The following MID2 variants were observed in gnomAD, a reference collection of about 807,000 sequenced individuals.
MID2 encodes the protein midline 2, also known as probable E3 ubiquitin-protein ligase MID2.
MID2 carries 13 observed loss-of-function variants against 46.1 expected under a neutral mutation model. The ratio of observed to expected loss-of-function variants is 0.28; its 90% CI spans 0.18 to 0.45. The LOEUF is 0.45. Among genes scored for constraint, MID2 ranks in the 20% least tolerant of loss-of-function variants. MID2 has a pLI of 1.00. For synonymous variants in MID2, 199 were observed against 212.3 expected (o/e 0.94, Z 0.55); for missense variants, 431 against 575.4 (o/e 0.75, Z 2.57).
At chrX:107,846,927 T>C (rs1456989435) in intron 2 of MID2, among the ~76,000 whole-genome samples, 1 of 112,198 alleles carries the variant, frequency 8.9e-6, no homozygotes, top group Non-Finnish European at 1.9e-5. Context: ...ATCCTGTCTG[T>C]TATTGTTGGG....
chrX:107,902,221 A>G (rs1450246256), intron 3 of MID2, among the ~76,000 whole-genome samples: 2 of 112,043 alleles, frequency 1.8e-5, no homozygotes, highest in Non-Finnish European at 3.8e-5. Context: ...ATGTAAACTA[A>G]TTAGAGCAAT....
At chrX:107,852,710 A>C (rs1432055204) in intron 2 of MID2, among the ~76,000 whole-genome samples, 1 of 111,864 alleles carries the variant, frequency 8.9e-6, no homozygotes, top group Non-Finnish European at 1.9e-5. Flanking sequence ...ACGTGTATCT[A>C]TGTGAATATA....
intron 5 of MID2, 146 bp from the exon 6 acceptor site, chrX:107,915,856 A>G (rs1177908837): frequency 1.9e-6 from 1 of 523,708 alleles, no homozygotes; most frequent in Admixed American, 4.3e-5. Flanking sequence ...AATAGTTTCC[A>G]TTGGAAAGGC....
chrX:107,875,137 G>A (rs1439329179), intron 3 of MID2, among the ~76,000 whole-genome samples: 1 of 111,899 alleles, frequency 8.9e-6, no homozygotes, highest in Non-Finnish European at 1.9e-5. Flanking sequence ...TGGGTAGTTT[G>A]GTTAGAGGGA....
In MID2 at chrX:107,926,147, A is replaced by G; in HGVS notation, c.1651A>G (p.Asn551Asp). Residue 551 changes from asparagine to aspartate, a missense_variant, in exon 9 of 10, where the codon AAT (asparagine) becomes GAT (aspartate). By Grantham distance (23) the Asn-to-Asp change is conservative. Coordinates refer to ENST00000262843, the MANE Select transcript of MID2 (RefSeq NM_012216.4). ...GACTCACAAGAAGTTGAAGATCTCC[A>G]ATGATGGATTGCAGATGGAGAAGGA... Reference protein sequence around the residue: ...KMTHKKLKISNDGLQMEKDES... With the variant: ...KMTHKKLKISDDGLQMEKDES... The G allele has an allele frequency of 8.3e-7, 1 of 1,209,181 alleles. No homozygotes were observed. Among genetic ancestry groups the G allele is most frequent in the African/African-American group, 1.7e-5 (1 of 57,418 alleles).
At chrX:107,870,186 G>A (rs1000180695) in intron 3 of MID2, among the ~76,000 whole-genome samples, 1 of 111,282 alleles carries the variant, frequency 9.0e-6, no homozygotes, top group Non-Finnish European at 1.9e-5. Flanking sequence ...AATAAAAAGT[G>A]TTTGGTTATG....
intron 2 of MID2, among the ~76,000 whole-genome samples, chrX:107,851,739 C>T (rs982901954): frequency 2.0e-4 from 22 of 111,351 alleles, no homozygotes; most frequent in Middle Eastern, 4.2e-3. Context: ...ACCTTTATAA[C>T]AGGACTTTGG....
intron 1 of MID2, among the ~76,000 whole-genome samples, chrX:107,833,423 A>AT (rs1236678380): frequency 7.9e-5 from 8 of 101,891 alleles, no homozygotes; most frequent in East Asian, 3.0e-4. Flanking sequence ...ATATATATAT[A>AT]TATATATTTT....
chrX:107,873,277 A>G (rs1932117359), intron 3 of MID2, among the ~76,000 whole-genome samples: 1 of 112,288 alleles, frequency 8.9e-6, no homozygotes, highest in Non-Finnish European at 1.9e-5. Flanking sequence ...TGCCTTTGGC[A>G]TATGGGTGAA....
At chrX:107,832,338 TGATCTTCCA>T (rs1270978135) in intron 1 of MID2, among the ~76,000 whole-genome samples, 1 of 111,716 alleles carries the variant, frequency 9.0e-6, no homozygotes, top group East Asian at 2.8e-4. Flanking sequence ...ATCAGTCCCA[TGATCTTCCA>T]GAAGTCTTGT....
chrX:107,826,497 G>A (rs1221402997), intron 1 of MID2, 67 bp downstream of exon 1: 9 of 1,082,857 alleles, frequency 8.3e-6, no homozygotes, highest in Non-Finnish European at 7.2e-6. Context: ...GCTAGTCTCC[G>A]GCTCCGGCCG....
chrX:107,889,188 G>A (rs776864906), intron 3 of MID2, among the ~76,000 whole-genome samples: 8 of 111,233 alleles, frequency 7.2e-5, no homozygotes, highest in East Asian at 2.8e-4. Flanking sequence ...TATTTTGCTC[G>A]TTAGTTGATG....
chrX:107,886,424 G>C (rs1429666405), intron 3 of MID2, among the ~76,000 whole-genome samples: 2 of 110,366 alleles, frequency 1.8e-5, no homozygotes, highest in African/African-American at 6.6e-5. Flanking sequence ...TCAAAGATCA[G>C]ACAGTTGTAG....
chrX:107,875,702 G>A (rs1051970270), intron 3 of MID2, among the ~76,000 whole-genome samples: 8 of 111,614 alleles, frequency 7.2e-5, no homozygotes, highest in African/African-American at 2.6e-4. Context: ...AGAAAGGCAT[G>A]GGTGAACAAC....
At chrX:107,887,726 A>G (rs905779809) in intron 3 of MID2, among the ~76,000 whole-genome samples, 1 of 112,008 alleles carries the variant, frequency 8.9e-6, no homozygotes, top group Non-Finnish European at 1.9e-5. Context: ...TACCTCTGGT[A>G]GAATTCAGCT....
At chrX:107,839,936 T>C (rs1249967185) in intron 1 of MID2, among the ~76,000 whole-genome samples, 2 of 112,023 alleles carry the variant, frequency 1.8e-5, no homozygotes, top group East Asian at 5.6e-4. Context: ...AAGTTTGAAA[T>C]CATTCCCCAT....
intron 3 of MID2, among the ~76,000 whole-genome samples, chrX:107,864,260 G>T (rs1434459231): frequency 8.9e-6 from 1 of 111,892 alleles, no homozygotes; most frequent in East Asian, 2.8e-4. Flanking sequence ...TGGCGTTCCT[G>T]AATCTGTGGT....
chrX:107,871,499 A>G (rs6652968), intron 3 of MID2, among the ~76,000 whole-genome samples: 33,480 of 111,190 alleles, frequency 0.3, 6,914 homozygotes, highest in African/African-American at 0.75. Context: ...TTTGCTGTCC[A>G]TGAATGGCTT....
chrX:107,865,801 G>C (rs1931943673), intron 3 of MID2, among the ~76,000 whole-genome samples: 1 of 112,796 alleles, frequency 8.9e-6, no homozygotes, highest in African/African-American at 3.2e-5. Flanking sequence ...TAAAACTCTA[G>C]CTAAAAGTGT....
Sources: allele counts gnomAD v4.1 joint callset (sites outside exome capture counted in the v4.1 genomes callset), GRCh38; gene constraint gnomAD v4.1.1; transcripts MANE v1.5; gene names NCBI Gene and HGNC (gene_info 2026-07-23, HGNC 2026-07-21).